Variants in PCDHA1 observed in about 807,000 individuals in gnomAD.
PCDHA1 encodes protocadherin alpha-1.
A neutral mutation model predicts 61.3 loss-of-function variants in PCDHA1; 42 were observed. The observed-to-expected ratio is 0.69, with a 90% confidence interval of 0.54 to 0.89. PCDHA1 has a LOEUF of 0.89. Ranked by LOEUF, PCDHA1 falls within the 40% of genes least tolerant of loss-of-function variation. The pLI, the probability that PCDHA1 is intolerant of heterozygous loss-of-function variation, is 0.00. For synonymous variants in PCDHA1, 610 were observed against 553.8 expected (o/e 1.10, Z -1.43); for missense variants, 1,256 against 1,235.3 (o/e 1.02, Z -0.25).
rs80062832 is a variant in PCDHA1 at position 140,889,250 on chromosome 5, C to T, written c.2395-89699C>T. ...AAAACTTCCAGAAAATTTTCTGTTT[C>T]CTGTAAAAGTTTGTATAATCTTTGA... On this transcript the variant is annotated intron_variant, in intron 1 of 3. Transcript: ENST00000504120. Among the ~76,000 whole-genome samples, 79 of 151,798 alleles carry T rather than the reference C, an allele frequency of 5.2e-4. No homozygotes were observed. In the East Asian group the frequency reaches 0.014, roughly 27 times the overall value.
intron 1 of PCDHA1, chr5:140,808,527 A>G (rs1554124616): frequency 6.2e-7 from 1 of 1,614,152 alleles, no homozygotes; most frequent in Admixed American, 1.7e-5. Context: ...GAGGTGGCTG[A>G]TGTGAACGAC....
In PCDHA1 at chr5:140,855,864, G is replaced by T. The variant is rs2043653105; in HGVS notation, c.2394+67180G>T. On this transcript the variant is annotated intron_variant, in intron 1 of 3. Transcript: ENST00000504120. ...CCTAAAGCCACCGGATGTCGCTGTC[G>T]TCCACAAAATAGCTTTTTAGAACAA... 4 of 775,774 alleles carry T rather than the reference G, an allele frequency of 5.2e-6. No individual in the cohort carries two copies. The East Asian group carries it at 8.1e-5, about 16-fold the overall frequency. The allele number at this position is 775,774 out of a possible 1,614,324, so 48.1% of individuals were successfully genotyped here. A position where few individuals can be genotyped will look rare whatever the true frequency, so the allele number is the denominator to read the frequency against.
At chr5:140,933,106 C>T (rs2088855819) in intron 1 of PCDHA1, among the ~76,000 whole-genome samples, 1 of 151,884 alleles carries the variant, frequency 6.6e-6, no homozygotes. Context: ...AAAGGTTGTT[C>T]TTAAGAAACA....
At chr5:141,008,745 G>A (rs759690147) in intron 3 of PCDHA1, among the ~76,000 whole-genome samples, 5 of 152,200 alleles carry the variant, frequency 3.3e-5, no homozygotes, top group Non-Finnish European at 7.3e-5. Context: ...TGAGCACACT[G>A]AGGGAAGGAA....
intron 1 of PCDHA1, among the ~76,000 whole-genome samples, chr5:140,879,771 G>A (rs1413027496): frequency 6.6e-6 from 1 of 152,156 alleles, no homozygotes; most frequent in Admixed American, 6.5e-5. Flanking sequence ...GGAGGCCCCA[G>A]GGAAGAATCT....
intron 1 of PCDHA1, chr5:140,968,975 T>G (rs782002097): frequency 2.5e-6 from 4 of 1,614,168 alleles, no homozygotes; most frequent in Non-Finnish European, 3.4e-6. Context: ...CTACACTGCG[T>G]ATGGCACTGC....
chr5:140,850,416 G>T, intron 1 of PCDHA1: 1 of 1,598,000 alleles, frequency 6.3e-7, no homozygotes, highest in Non-Finnish European at 8.6e-7. Flanking sequence ...GGACGAAACG[G>T]ACGCACCGCG....
chr5:140,907,517 G>A (rs1174112923), intron 1 of PCDHA1, among the ~76,000 whole-genome samples: 3 of 152,192 alleles, frequency 2.0e-5, no homozygotes, highest in Non-Finnish European at 4.4e-5. Flanking sequence ...TTCCAGTGAG[G>A]ACAAATCGCT....
At chr5:140,959,443 G>C (rs1472511414) in intron 1 of PCDHA1, among the ~76,000 whole-genome samples, 1 of 151,580 alleles carries the variant, frequency 6.6e-6, no homozygotes, top group Non-Finnish European at 1.5e-5. Context: ...TTTCTATTTT[G>C]TGCTGAAAAG....
In PCDHA1 at chr5:140,843,430, CATCTGCGCGGT is replaced by C. The variant is rs1778874946; in HGVS notation, c.2394+54750_2394+54760del. The C allele has an allele frequency of 1.6e-5, 26 of 1,596,170 alleles. 2 individuals carry two copies. Among genetic ancestry groups the C allele is most frequent in the Non-Finnish European group, 2.1e-5 (24 of 1,165,672 alleles). On this transcript the variant is annotated intron_variant, in intron 1 of 3. Coordinates refer to ENST00000504120, the MANE Select transcript of PCDHA1 (RefSeq NM_018900.4). ...ATGTCAACGTGTACCTGATCATCGC[CATCTGCGCGGT>C]ATCCAGCCTGCTGGTGCTCACGCTG...
chr5:140,966,862 G>T (rs782810195), intron 1 of PCDHA1: 1 of 1,562,198 alleles, frequency 6.4e-7, no homozygotes. Context: ...TGCTGCTGTT[G>T]CTGCTGCTGC....
At chr5:140,842,602 G>C in intron 1 of PCDHA1, 1 of 1,547,148 alleles carries the variant, frequency 6.5e-7, no homozygotes, top group Non-Finnish European at 8.8e-7. Context: ...TGGTAACCGC[G>C]CGGGACGGGG....
At chr5:140,959,815 C>T (rs1239999748) in intron 1 of PCDHA1, among the ~76,000 whole-genome samples, 1 of 151,920 alleles carries the variant, frequency 6.6e-6, no homozygotes, top group Non-Finnish European at 1.5e-5. Context: ...TATATTTTAC[C>T]CACATGATAA....
chr5:140,789,606 G>T (rs1319884289), intron 1 of PCDHA1, among the ~76,000 whole-genome samples: 1 of 152,050 alleles, frequency 6.6e-6, no homozygotes, highest in Non-Finnish European at 1.5e-5. Flanking sequence ...AATTCCCCTG[G>T]GTCTAGAAGG....
chr5:140,843,338 G>T (rs2150357785), intron 1 of PCDHA1: 1 of 1,596,002 alleles, frequency 6.3e-7, no homozygotes, highest in Non-Finnish European at 8.6e-7. Flanking sequence ...GGTGGAGAGC[G>T]GCCAGGCTCC....
At chr5:140,958,746 G>A (rs946339571) in intron 1 of PCDHA1, among the ~76,000 whole-genome samples, 3 of 152,184 alleles carry the variant, frequency 2.0e-5, no homozygotes, top group African/African-American at 7.2e-5. Context: ...AGAGAGAAAG[G>A]AGATTTTTAC....
chr5:140,871,002 G>C, intron 1 of PCDHA1: 1 of 1,613,384 alleles, frequency 6.2e-7, no homozygotes, highest in Non-Finnish European at 8.5e-7. Context: ...TAAGCACAAC[G>C]CGTGCCCTGG....
intron 1 of PCDHA1, chr5:140,806,954 G>A: frequency 3.4e-6 from 2 of 592,246 alleles, no homozygotes; most frequent in African/African-American, 1.9e-5. Flanking sequence ...GTGTGTGGGG[G>A]TTTCCACAAT....
intron 1 of PCDHA1, chr5:140,850,311 T>G: frequency 1.9e-6 from 3 of 1,597,000 alleles, no homozygotes; most frequent in Non-Finnish European, 2.6e-6. Context: ...CTACAACGCG[T>G]GGCTTTCATA....
Sources: gnomAD v4.1 joint callset for allele counts (sites outside exome capture counted in the v4.1 genomes callset) on GRCh38, gnomAD v4.1.1 for gene constraint, MANE v1.5 for transcripts, NCBI Gene and HGNC (gene_info 2026-07-23, HGNC 2026-07-21) for gene names.